The following GRM3 variants were observed in gnomAD, a reference collection of about 807,000 sequenced individuals.
GRM3 encodes glutamate metabotropic receptor 3.
Under a neutral mutation model 70.5 loss-of-function variants are expected in GRM3, and 26 were observed. The observed-to-expected ratio is 0.37, with a 90% CI of 0.27 to 0.51. The LOEUF (loss-of-function observed/expected upper bound fraction) is 0.51, where lower values mean the gene tolerates loss of function less well. Ranked by LOEUF, GRM3 falls within the 20% of genes least tolerant of loss-of-function variation. The probability of loss-of-function intolerance (pLI) is 0.93; values close to 1 mark genes in which losing one functional copy is unlikely to be tolerated. For missense variants in GRM3, 859 were observed against 1,123.8 expected, an observed-to-expected ratio of 0.76 and a Z score of 3.37; for synonymous variants, 443 against 434.9, an observed-to-expected ratio of 1.02 and a Z score of -0.23.
At chr7:86,736,441 T>G (rs1216317454) in intron 1 of GRM3, among the ~76,000 whole-genome samples, 3 of 152,188 alleles carry the variant, frequency 2.0e-5, no homozygotes, top group African/African-American at 7.2e-5. Context: ...ATAAATAATG[T>G]CTCAACACAA....
chr7:86,809,371 T>C (rs144712183), intron 3 of GRM3, among the ~76,000 whole-genome samples: 1 of 152,222 alleles, frequency 6.6e-6, no homozygotes, highest in Non-Finnish European at 1.5e-5. Flanking sequence ...GATCATGTTT[T>C]AAAAATTCAC....
intron 1 of GRM3, among the ~76,000 whole-genome samples, chr7:86,708,782 A>C (rs1040245449): frequency 1.3e-5 from 2 of 152,096 alleles, no homozygotes; most frequent in African/African-American, 4.8e-5. Flanking sequence ...TCCTGACCAG[A>C]ACATAACTGA....
chr7:86,800,433 C>T (rs1423440935), intron 3 of GRM3, among the ~76,000 whole-genome samples: 1 of 152,022 alleles, frequency 6.6e-6, no homozygotes, highest in African/African-American at 2.4e-5. Flanking sequence ...ATCAAATAGA[C>T]ACAATAAAAA....
chr7:86,785,453 G>GT (rs1797203285), intron 2 of GRM3, among the ~76,000 whole-genome samples: 1 of 151,828 alleles, frequency 6.6e-6, no homozygotes, highest in Non-Finnish European at 1.5e-5. Context: ...TCAGATTTAG[G>GT]TTTAAATACT....
At chr7:86,775,329 C>A (rs1188343034) in intron 2 of GRM3, 1 of 151,940 alleles carries the variant, frequency 6.6e-6, no homozygotes, top group Non-Finnish European at 1.5e-5. Flanking sequence ...TAATTACTAC[C>A]AATGAAATAA....
intron 1 of GRM3, among the ~76,000 whole-genome samples, chr7:86,690,613 G>T (rs1039495143): frequency 6.6e-6 from 1 of 152,084 alleles, no homozygotes; most frequent in Non-Finnish European, 1.5e-5. Flanking sequence ...GGGCAAGGGA[G>T]AAATCAAGAT....
At chr7:86,783,761 T>C (rs1797143281) in intron 2 of GRM3, among the ~76,000 whole-genome samples, 1 of 152,198 alleles carries the variant, frequency 6.6e-6, no homozygotes, top group Non-Finnish European at 1.5e-5. Flanking sequence ...TGTGATAAAA[T>C]TACTTCAATA....
chr7:86,758,275 G>C (rs1796395853), intron 1 of GRM3, among the ~76,000 whole-genome samples: 1 of 152,076 alleles, frequency 6.6e-6, no homozygotes, highest in Non-Finnish European at 1.5e-5. Context: ...TCCTAAAAAT[G>C]GTATTCCTCC....
intron 3 of GRM3, among the ~76,000 whole-genome samples, chr7:86,822,122 T>C (rs944702645): frequency 3.3e-5 from 5 of 152,034 alleles, no homozygotes; most frequent in African/African-American, 9.7e-5. Flanking sequence ...CAAGAGAAAA[T>C]GACATCTATT....
At chr7:86,776,909 C>T (rs1332886584) in intron 2 of GRM3, among the ~76,000 whole-genome samples, 1 of 152,168 alleles carries the variant, frequency 6.6e-6, no homozygotes, top group Non-Finnish European at 1.5e-5. Context: ...GAACATGAAC[C>T]ACTTCACTTC....
At chr7:86,709,669 C>A (rs1795147752) in intron 1 of GRM3, among the ~76,000 whole-genome samples, 2 of 152,044 alleles carry the variant, frequency 1.3e-5, no homozygotes, top group African/African-American at 4.8e-5. Flanking sequence ...GTCCAGTTTT[C>A]TTCTTTCCTA....
intron 3 of GRM3, among the ~76,000 whole-genome samples, chr7:86,809,705 T>A (rs1797870850): frequency 6.6e-6 from 1 of 152,012 alleles, no homozygotes; most frequent in African/African-American, 2.4e-5. Flanking sequence ...AGGAAAAGTT[T>A]GTTGAGGAGA....
At chr7:86,795,548 G>A (rs1001275005) in intron 3 of GRM3, among the ~76,000 whole-genome samples, 19 of 152,012 alleles carry the variant, frequency 1.2e-4, no homozygotes, top group Non-Finnish European at 1.6e-4. Flanking sequence ...TCCTGTTCCT[G>A]TGTTAGTTTG....
chr7:86,649,981 A>G (rs576806262), intron 1 of GRM3, among the ~76,000 whole-genome samples: 1 of 152,350 alleles, frequency 6.6e-6, no homozygotes, highest in South Asian at 2.1e-4. Flanking sequence ...ATTATCAACC[A>G]AATGAAAAAG....
chr7:86,727,812 C>T (rs955977209), intron 1 of GRM3, among the ~76,000 whole-genome samples: 6 of 152,086 alleles, frequency 3.9e-5, no homozygotes, highest in African/African-American at 1.4e-4. Context: ...AAATCTGGCC[C>T]GCCACCTGCT....
intron 3 of GRM3, among the ~76,000 whole-genome samples, chr7:86,830,852 C>T (rs998724529): frequency 7.9e-5 from 12 of 151,990 alleles, no homozygotes; most frequent in Admixed American, 2.6e-4. Flanking sequence ...TAGGGTGGGC[C>T]CCAGTCCAAT....
intron 1 of GRM3, among the ~76,000 whole-genome samples, chr7:86,665,285 T>C (rs1333033250): frequency 6.6e-6 from 1 of 152,072 alleles, no homozygotes; most frequent in African/African-American, 2.4e-5. Context: ...GAAAGTCATA[T>C]TAAATTTCTC....
rs1181114023 is a variant in GRM3 at position 86,838,809 on chromosome 7, C to A, written c.1325-30C>A. 2.3e-6 allele frequency: 3 copies of A among 1,315,140 alleles called. No homozygotes were observed. In the African/African-American group the frequency reaches 4.4e-5, roughly 19 times the overall value. 81.5% of individuals were successfully genotyped at this position (1,315,140 alleles called of 1,614,324 possible). A position where few individuals can be genotyped will look rare whatever the true frequency, so the allele number is the denominator to read the frequency against. On this transcript the variant is annotated intron_variant, in intron 3 of 5. Transcript: ENST00000361669. ...CACGTAAGACACCTAAACAAGTGTT[C>A]TTTTTTTTCTTTCACTTTACATATC...
intron 1 of GRM3, among the ~76,000 whole-genome samples, chr7:86,713,923 A>G (rs971101262): frequency 6.6e-6 from 1 of 151,968 alleles, no homozygotes; most frequent in Non-Finnish European, 1.5e-5. Flanking sequence ...GTGCTAGGTC[A>G]TGCCCCTTAG....
Sources: allele counts gnomAD v4.1 joint callset (sites outside exome capture counted in the v4.1 genomes callset), GRCh38; gene constraint gnomAD v4.1.1; transcripts MANE v1.5; gene names NCBI Gene and HGNC (gene_info 2026-07-23, HGNC 2026-07-21).